The following NALCN variants were observed in gnomAD, a reference collection of about 807,000 sequenced individuals.
NALCN encodes the protein sodium leak channel NALCN.
A neutral mutation model predicts 225.3 loss-of-function variants in NALCN; 111 were observed. That is an observed-to-expected ratio of 0.49 (90% CI 0.42 to 0.58). The LOEUF is 0.58. NALCN is among the 20% of genes least tolerant of loss of function. NALCN has a pLI of 0.00. For missense variants in NALCN, 1,378 were observed against 2,202.4 expected, an observed-to-expected ratio of 0.63 and a Z score of 7.49; for synonymous variants, 764 against 769.0, an observed-to-expected ratio of 0.99 and a Z score of 0.11.
At chr13:101,114,842 C>T (rs747554478) in intron 18 of NALCN, among the ~76,000 whole-genome samples, 4 of 152,200 alleles carry the variant, frequency 2.6e-5, no homozygotes, top group African/African-American at 4.8e-5. Context: ...TGCACAGCCC[C>T]GTTTAGTGTC....
chr13:101,124,040 T>A (rs1836538705), intron 18 of NALCN, among the ~76,000 whole-genome samples: 1 of 152,234 alleles, frequency 6.6e-6, no homozygotes. Flanking sequence ...GTTTTTATAC[T>A]CATCATGTTA....
intron 4 of NALCN, among the ~76,000 whole-genome samples, chr13:101,378,194 A>G (rs1320684228): frequency 6.6e-6 from 1 of 152,078 alleles, no homozygotes; most frequent in Non-Finnish European, 1.5e-5. Flanking sequence ...TGATTGAGAA[A>G]TAATTCACAA....
chr13:101,256,607 A>T (rs1594539539), intron 11 of NALCN, among the ~76,000 whole-genome samples: 2 of 152,056 alleles, frequency 1.3e-5, no homozygotes, highest in African/African-American at 4.8e-5. Context: ...TTTCTTTGCC[A>T]ACTTCCCACT....
At chr13:101,106,862 G>A (rs1403600841) in intron 22 of NALCN, among the ~76,000 whole-genome samples, 1 of 152,098 alleles carries the variant, frequency 6.6e-6, no homozygotes, top group Non-Finnish European at 1.5e-5. Flanking sequence ...CATGAAAATG[G>A]ACTCATACAG....
chr13:101,082,974 A>C, intron 32 of NALCN, 91 bp from the exon 33 acceptor site: 1 of 1,570,582 alleles, frequency 6.4e-7, no homozygotes, highest in Non-Finnish European at 8.8e-7. Flanking sequence ...ATTGACAGTG[A>C]ATCTTAATTT....
intron 37 of NALCN, among the ~76,000 whole-genome samples, chr13:101,073,005 C>T (rs1490333983): frequency 6.6e-6 from 1 of 152,100 alleles, no homozygotes; most frequent in Admixed American, 6.5e-5. Context: ...CACTACAGCT[C>T]CTTATTACAA....
chr13:101,317,183 A>G (rs2044583005), intron 7 of NALCN, among the ~76,000 whole-genome samples: 1 of 152,180 alleles, frequency 6.6e-6, no homozygotes, highest in Non-Finnish European at 1.5e-5. Context: ...GAATCATTTA[A>G]GTTTGCTTCC....
At chr13:101,413,666 C>T (rs556337340) in intron 1 of NALCN, among the ~76,000 whole-genome samples, 64 of 152,204 alleles carry the variant, frequency 4.2e-4, no homozygotes, top group African/African-American at 1.4e-3. Context: ...CATCTGTCTT[C>T]GGTTATTAAA....
rs566022920 is a variant in NALCN, at chr13:101,345,179, T to C, written c.799+87A>G. 1.3e-5 allele frequency: 17 copies of C among 1,353,800 alleles called. No homozygotes were observed. The African/African-American group carries it at 2.0e-4, about 16-fold the overall frequency. 83.9% of individuals were successfully genotyped at this position (1,353,800 alleles called of 1,614,324 possible). A position where few individuals can be genotyped will look rare whatever the true frequency, so the allele number is the denominator to read the frequency against. On this transcript the variant is annotated intron_variant, in intron 7 of 43. Transcript: ENST00000251127. ...TCTTCTATACTACAGCCAGTCAAAA[T>C]ATTAGTATCAATTATTTAATTATTC... is the stretch of plus-strand genomic sequence containing the variant.
At chr13:101,112,296 C>T (rs973962010) in intron 18 of NALCN, among the ~76,000 whole-genome samples, 3 of 151,794 alleles carry the variant, frequency 2.0e-5, no homozygotes, top group Non-Finnish European at 4.4e-5. Flanking sequence ...TTGTTTAAAC[C>T]ACGAAGACTT....
intron 7 of NALCN, among the ~76,000 whole-genome samples, chr13:101,338,461 A>C (rs1485446081): frequency 2.0e-5 from 3 of 152,238 alleles, no homozygotes; most frequent in Non-Finnish European, 4.4e-5. Context: ...ACATTCATTA[A>C]GTTGTTTAGT....
At chr13:101,183,122 T>C (rs149062507) in intron 14 of NALCN, among the ~76,000 whole-genome samples, 15 of 152,328 alleles carry the variant, frequency 9.8e-5, no homozygotes, top group Non-Finnish European at 1.8e-4. Context: ...TCTCATTTAT[T>C]CTGTTTTTAC....
At chr13:101,230,199 G>A (rs1391087143) in intron 12 of NALCN, among the ~76,000 whole-genome samples, 3 of 152,026 alleles carry the variant, frequency 2.0e-5, no homozygotes, top group East Asian at 3.9e-4. Context: ...GACAAACATC[G>A]AAAGCCAAAA....
intron 7 of NALCN, among the ~76,000 whole-genome samples, chr13:101,293,922 A>C (rs1475453632): frequency 2.0e-5 from 3 of 152,216 alleles, no homozygotes; most frequent in Non-Finnish European, 4.4e-5. Context: ...CTTGTCATAC[A>C]GCTGGTATTT....
rs72172114 is a variant in NALCN at position 101,116,313 on chromosome 13, CATAT to C, written c.2193-5091_2193-5088del. 4.9e-3 allele frequency: 751 copies of C among 153,768 alleles called. 6 individuals are homozygous for C. Among genetic ancestry groups the C allele is most frequent in the East Asian group, 0.022 (129 of 5,756 alleles). 9.5% of individuals were successfully genotyped at this position (153,768 alleles called of 1,614,324 possible). ...TTTCAATTGCTCCTTATATGACAGC[CATAT>C]ATATATATATATATATAATCTTTTA... is the stretch of plus-strand genomic sequence containing the variant. On this transcript the variant is annotated intron_variant, in intron 18 of 43. Coordinates refer to ENST00000251127, the MANE Select transcript of NALCN (RefSeq NM_052867.4).
At chr13:101,068,424 CCT>C (rs527305375) in intron 38 of NALCN, among the ~76,000 whole-genome samples, 127 of 152,208 alleles carry the variant, frequency 8.3e-4, no homozygotes, top group African/African-American at 2.7e-3. Flanking sequence ...GAAAGATAGT[CCT>C]CTCTGATATT....
intron 7 of NALCN, among the ~76,000 whole-genome samples, chr13:101,329,757 G>A (rs2045092231): frequency 6.6e-6 from 1 of 152,020 alleles, no homozygotes; most frequent in African/African-American, 2.4e-5. Flanking sequence ...TAAAAACATA[G>A]GCTGGACACA....
Position 101,083,125 on chromosome 13 carries a change from G to T in NALCN, c.3657C>A (p.Leu1219=). The T allele has an allele frequency of 6.2e-7, 1 of 1,614,120 alleles. No individual in the cohort carries two copies. Among genetic ancestry groups the T allele is most frequent in the South Asian group, 1.1e-5 (1 of 91,064 alleles). Residue 1219 remains leucine (L), a synonymous_variant, in exon 32 of 44, where the codon CTC becomes CTA. Transcript: ENST00000251127. ...AGAGCAACACCGACTGGGCCAGGAC[G>T]AGTAATGCGATTGTCCTCTTAAAAA... The part of the protein sequence containing the change: ...HPFFKRTIAL[L]VLAQSVLLSV...
At chr13:101,097,024 T>G (rs1411551570) in intron 27 of NALCN, among the ~76,000 whole-genome samples, 1 of 152,200 alleles carries the variant, frequency 6.6e-6, no homozygotes, top group Non-Finnish European at 1.5e-5. Context: ...AAGCCCAGCA[T>G]CAAGCTTAGG....
Sources: allele counts gnomAD v4.1 joint callset (sites outside exome capture counted in the v4.1 genomes callset), GRCh38; gene constraint gnomAD v4.1.1; transcripts MANE v1.5; gene names NCBI Gene and HGNC (gene_info 2026-07-23, HGNC 2026-07-21).